Variants in ADGRB3 observed in about 807,000 individuals in gnomAD.
ADGRB3 encodes brain-specific angiogenesis inhibitor 3.
ADGRB3 carries 37 observed loss-of-function variants against 193.4 expected under a neutral mutation model. The observed-to-expected ratio is 0.19, with a 90% CI of 0.15 to 0.25. ADGRB3 has a LOEUF of 0.25. Among genes scored for constraint, ADGRB3 ranks in the 10% least tolerant of loss-of-function variants. The probability of loss-of-function intolerance (pLI) is 1.00; values close to 1 mark genes in which losing one functional copy is unlikely to be tolerated. For missense variants in ADGRB3, 1,637 were observed against 1,852.9 expected (o/e 0.88, Z 2.14); for synonymous variants, 690 against 644.2 (o/e 1.07, Z -1.08).
chr6:68,820,553 T>C (rs1310889391), intron 3 of ADGRB3, among the ~76,000 whole-genome samples: 1 of 152,010 alleles, frequency 6.6e-6, no homozygotes, highest in Non-Finnish European at 1.5e-5. Context: ...ATTTTGACTA[T>C]AGTCATCCTG....
intron 3 of ADGRB3, among the ~76,000 whole-genome samples, chr6:68,719,666 TTACAGA>T (rs1765542615): frequency 1.3e-5 from 2 of 151,780 alleles, no homozygotes; most frequent in Admixed American, 1.3e-4. Flanking sequence ...AGAAAAGCTC[TTACAGA>T]TACAATTTCT....
rs146332999 is a variant in ADGRB3 at position 69,162,044 on chromosome 6, T to A, written c.2481-71246T>A. 2.7e-3 allele frequency among the ~76,000 whole-genome samples: 403 copies of A among 152,022 alleles called. 2 individuals carry two copies. The highest frequency in any genetic ancestry group is 9.2e-3 in the African/African-American group (381 of 41,504). On this transcript the variant is annotated intron_variant, in intron 17 of 31. Transcript: ENST00000370598. The stretch of plus-strand genomic sequence containing the variant: ...CCAGACCACACTCAGTGGGAAGGGG[T>A]TCGATAAGATGTGAATACCAGGAAT...
chr6:69,342,552 G>A (rs1247185767), intron 26 of ADGRB3, among the ~76,000 whole-genome samples: 1 of 152,020 alleles, frequency 6.6e-6, no homozygotes, highest in Non-Finnish European at 1.5e-5. Context: ...ACCTTCTAAA[G>A]GTATATTGCC....
At chr6:68,726,269 C>T (rs1582151172) in intron 3 of ADGRB3, among the ~76,000 whole-genome samples, 1 of 151,660 alleles carries the variant, frequency 6.6e-6, no homozygotes, top group East Asian at 2.0e-4. Context: ...TAAAAAGCAA[C>T]TTTAGAGATT....
At chr6:68,941,006 C>T (rs1277097779) in intron 5 of ADGRB3, among the ~76,000 whole-genome samples, 1 of 152,072 alleles carries the variant, frequency 6.6e-6, no homozygotes, top group African/African-American at 2.4e-5. Flanking sequence ...TTGTGTATGG[C>T]ATATTCTTCA....
chr6:68,991,033 T>C (rs1317277299), intron 10 of ADGRB3, among the ~76,000 whole-genome samples: 1 of 151,992 alleles, frequency 6.6e-6, no homozygotes, highest in African/African-American at 2.4e-5. Flanking sequence ...CTAATGTTAT[T>C]GAGGAAGAGC....
chr6:69,002,596 T>A (rs976806412), intron 11 of ADGRB3, among the ~76,000 whole-genome samples: 1 of 152,162 alleles, frequency 6.6e-6, no homozygotes, highest in Admixed American at 6.5e-5. Context: ...TATCAATAGA[T>A]TAAGTCACTT....
intron 3 of ADGRB3, among the ~76,000 whole-genome samples, chr6:68,752,275 C>CTTT (rs66760335): frequency 7.7e-6 from 1 of 129,288 alleles, no homozygotes; most frequent in Admixed American, 8.0e-5. Context: ...GCAGAATATT[C>CTTT]TTTTTTTTTT....
intron 17 of ADGRB3, among the ~76,000 whole-genome samples, chr6:69,125,159 G>A (rs1773820921): frequency 6.6e-6 from 1 of 152,046 alleles, no homozygotes; most frequent in African/African-American, 2.4e-5. Context: ...CATCCCTTTT[G>A]GACAGTGTTA....
At chr6:69,358,253 A>C (rs1381274935) in intron 28 of ADGRB3, among the ~76,000 whole-genome samples, 1 of 151,898 alleles carries the variant, frequency 6.6e-6, no homozygotes, top group African/African-American at 2.4e-5. Context: ...TTGAGGCCCT[A>C]ACCCAGGCCT....
intron 17 of ADGRB3, among the ~76,000 whole-genome samples, chr6:69,156,126 A>T (rs1032472301): frequency 1.3e-5 from 2 of 152,220 alleles, no homozygotes; most frequent in Non-Finnish European, 2.9e-5. Flanking sequence ...TACATAAATG[A>T]GAAACTTTTT....
intron 20 of ADGRB3, among the ~76,000 whole-genome samples, chr6:69,260,093 A>G (rs578233922): frequency 6.6e-6 from 1 of 152,212 alleles, no homozygotes; most frequent in Non-Finnish European, 1.5e-5. Context: ...GCTCAGTTAT[A>G]GATTTTTAAT....
chr6:68,862,385 G>C (rs1765181453), intron 3 of ADGRB3, among the ~76,000 whole-genome samples: 1 of 152,172 alleles, frequency 6.6e-6, no homozygotes, highest in African/African-American at 2.4e-5. Flanking sequence ...GCACCAGAAT[G>C]GGAAGTGTTT....
At chr6:69,271,845 T>G (rs932434916) in intron 20 of ADGRB3, among the ~76,000 whole-genome samples, 9 of 152,182 alleles carry the variant, frequency 5.9e-5, no homozygotes, top group African/African-American at 2.2e-4. Flanking sequence ...GTTTTTTGCT[T>G]TCTTAAATAT....
chr6:68,786,299 A>T (rs1766968199), intron 3 of ADGRB3, among the ~76,000 whole-genome samples: 1 of 152,120 alleles, frequency 6.6e-6, no homozygotes, highest in Non-Finnish European at 1.5e-5. Flanking sequence ...CTAACATTTA[A>T]GTCTTTAATC....
At chr6:69,346,307 T>C (rs1769087463) in intron 26 of ADGRB3, among the ~76,000 whole-genome samples, 1 of 152,146 alleles carries the variant, frequency 6.6e-6, no homozygotes, top group South Asian at 2.1e-4. Flanking sequence ...AGAACAAAGC[T>C]GGAGGCATCA....
At chr6:68,893,317 C>T (rs1766130296) in intron 3 of ADGRB3, among the ~76,000 whole-genome samples, 1 of 151,924 alleles carries the variant, frequency 6.6e-6, no homozygotes, top group East Asian at 1.9e-4. Flanking sequence ...GAAAGTGATA[C>T]TTTTAATAAA....
At chr6:69,319,107 TTC>T (rs1157806367) in intron 20 of ADGRB3, among the ~76,000 whole-genome samples, 1 of 151,124 alleles carries the variant, frequency 6.6e-6, no homozygotes, top group Non-Finnish European at 1.5e-5. Context: ...ATTTTCATCT[TTC>T]TCTTGTTTTC....
intron 17 of ADGRB3, among the ~76,000 whole-genome samples, chr6:69,103,382 A>G (rs1384524179): frequency 6.6e-6 from 1 of 152,204 alleles, no homozygotes; most frequent in Non-Finnish European, 1.5e-5. Flanking sequence ...TTTATATAGC[A>G]TTGCTTAGAC....
Sources: allele counts gnomAD v4.1 joint callset (sites outside exome capture counted in the v4.1 genomes callset), GRCh38; gene constraint gnomAD v4.1.1; transcripts MANE v1.5; gene names NCBI Gene and HGNC (gene_info 2026-07-23, HGNC 2026-07-21).